Variants in GRIN1 observed in about 807,000 individuals in gnomAD.
GRIN1 encodes the protein glutamate receptor ionotropic, NMDA 1.
GRIN1 carries 38 observed loss-of-function variants against 103.0 expected under a neutral mutation model. The ratio of observed to expected loss-of-function variants is 0.37; its 90% confidence interval spans 0.28 to 0.48. The LOEUF is 0.48. Ranked by LOEUF, GRIN1 falls within the 20% of genes least tolerant of loss-of-function variation. The probability of loss-of-function intolerance (pLI) is 0.98; values close to 1 mark genes in which losing one functional copy is unlikely to be tolerated. For synonymous variants in GRIN1, 544 were observed against 532.7 expected (o/e 1.02, Z -0.29); for missense variants, 577 against 1,288.9 (o/e 0.45, Z 8.46).
At chr9:137,162,382 G>A (rs771715052) in intron 12 of GRIN1, 22 bp from the exon 13 acceptor site, 6 of 1,530,944 alleles carry the variant, frequency 3.9e-6, no homozygotes, top group South Asian at 1.1e-5. Flanking sequence ...CCTCTCTCCC[G>A]CCCGCCCTCT....
intron 2 of GRIN1, among the ~76,000 whole-genome samples, chr9:137,144,458 T>G (rs888121662): frequency 1.5e-4 from 22 of 151,470 alleles, no homozygotes; most frequent in Non-Finnish European, 2.4e-4. Context: ...ATCGAGACCA[T>G]CCTGGCTAAT....
At chr9:137,142,223 C>T in intron 2 of GRIN1, 76 bp downstream of exon 2, 4 of 1,471,150 alleles carry the variant, frequency 2.7e-6, no homozygotes, top group Non-Finnish European at 3.8e-6. Context: ...GAGCAGCGGG[C>T]CGACCCGCTC....
At chr9:137,157,941 G>A (rs193021655) in intron 6 of GRIN1, among the ~76,000 whole-genome samples, 31 of 152,348 alleles carry the variant, frequency 2.0e-4, no homozygotes, top group Admixed American at 8.5e-4. Flanking sequence ...GGCCCGATGG[G>A]TACAATGCAC....
rs1047793096 is a variant in GRIN1, at chr9:137,168,035, G to A, written c.*508G>A. 1.1e-5 allele frequency: 7 copies of A among 651,758 alleles called. No individual in the cohort carries two copies. The highest frequency in any genetic ancestry group is 1.9e-5 in the Non-Finnish European group (7 of 363,848). The allele number at this position is 651,758 out of a possible 1,614,324, so 40.4% of individuals were successfully genotyped here. ...CCAAGGTGCGGACCGGAGCGGCTGA[G>A]GACGGGGCAGAGCTGAGTCGGCTGG... On this transcript the variant is annotated 3_prime_UTR_variant, in exon 20 of 20. Transcript: ENST00000371561.
In GRIN1 at chr9:137,161,210, G is replaced by GGCAGGGC; in HGVS notation, c.1339+16_1339+22dup. 1.9e-6 allele frequency: 3 copies of GGCAGGGC among 1,605,856 alleles called. No individual in the cohort carries two copies. The highest frequency in any genetic ancestry group is 1.3e-5 in the African/African-American group (1 of 74,828). On this transcript the variant is annotated intron_variant, in intron 9 of 19. Coordinates refer to ENST00000371561, the MANE Select transcript of GRIN1 (RefSeq NM_007327.4). ...TCGCCGGGCAGCCGTGAGTGCGCGGGGCAGGGCGCGGGGCGCGGGGCAGGG... is the reference window on the plus strand; with the variant it reads ...TCGCCGGGCAGCCGTGAGTGCGCGGGGCAGGGCGCAGGGCGCGGGGCGCGGGGCAGGG...
chr9:137,142,212 G>T, intron 2 of GRIN1, 65 bp downstream of exon 2: 1 of 1,572,814 alleles, frequency 6.4e-7, no homozygotes, highest in Non-Finnish European at 8.7e-7. Flanking sequence ...GGCCACTCCA[G>T]GAGCAGCGGG....
Position 137,139,889 on chromosome 9 carries a change from G to A in GRIN1, c.258+145G>A, listed in dbSNP as rs551071260. The stretch of plus-strand genomic sequence containing the variant: ...CAGCTGGCTGCTTCCGGGAGGCCTC[G>A]TCTCACTAGGAACCAAACACCAGGG... On this transcript the variant is annotated intron_variant, in intron 1 of 19. Coordinates refer to ENST00000371561, the MANE Select transcript of GRIN1 (RefSeq NM_007327.4). This position sits in a 1 kb window ranked among gnomAD's most constrained non-coding sequence, Gnocchi z 7.7. The A allele has an allele frequency of 3.2e-5, 22 of 695,152 alleles. No homozygotes were observed. The highest frequency in any genetic ancestry group is 2.3e-4 in the South Asian group (14 of 59,904). The allele number at this position is 695,152 out of a possible 1,614,324, so 43.1% of individuals were successfully genotyped here. A position where few individuals can be genotyped will look rare whatever the true frequency, so the allele number is the denominator to read the frequency against.
chr9:137,166,297 C>A (rs922361477), intron 19 of GRIN1, among the ~76,000 whole-genome samples: 1 of 152,190 alleles, frequency 6.6e-6, no homozygotes, highest in Non-Finnish European at 1.5e-5. Context: ...CACACTCGGA[C>A]CAGAGGCCCC....
At chr9:137,166,089 C>T (rs1038289387) in intron 19 of GRIN1, among the ~76,000 whole-genome samples, 3 of 152,154 alleles carry the variant, frequency 2.0e-5, no homozygotes, top group African/African-American at 7.2e-5. Context: ...TAGGGGCGGC[C>T]CCACAAGCCC....
chr9:137,163,024 C>G, intron 15 of GRIN1, 21 bp downstream of exon 15: 1 of 1,558,690 alleles, frequency 6.4e-7, no homozygotes, highest in East Asian at 2.4e-5. Context: ...GGCGGCCACC[C>G]TGGCGGGGCG....
intron 18 of GRIN1, chr9:137,164,304 A>T: frequency 3.7e-6 from 1 of 271,128 alleles, no homozygotes; most frequent in Non-Finnish European, 7.3e-6. Flanking sequence ...CCCTTCGGAG[A>T]CCCCCCCCTT....
At chr9:137,157,109 C>G in intron 6 of GRIN1, 72 bp downstream of exon 6, 22 of 210,474 alleles carry the variant, frequency 1.0e-4, no homozygotes, top group Non-Finnish European at 1.2e-4. Flanking sequence ...CAGAGATGGG[C>G]GGGGCCGCTC....
At chr9:137,167,373 G>C (rs1833938489) in intron 19 of GRIN1, 38 bp from the exon 20 acceptor site, 3 of 1,499,566 alleles carry the variant, frequency 2.0e-6, no homozygotes, top group Non-Finnish European at 2.7e-6. Context: ...GGCGGCCGGC[G>C]GGGCCAGCGG....
Position 137,162,613 on chromosome 9 carries a change from G to C in GRIN1, c.1887G>C (p.Ala629=). 1.2e-6 allele frequency: 2 copies of C among 1,612,604 alleles called. No homozygotes were observed. The highest frequency in any genetic ancestry group is 2.7e-5 in the African/African-American group (2 of 75,048). The stretch of plus-strand genomic sequence containing the variant: ...CAGGCGCCCCCAGAAGCTTCTCAGC[G>C]CGCATCCTGGGCATGGTGTGGGCCG... ...IGEGAPRSFS[A]RILGMVWAGF... is the part of the protein sequence containing the mutation. The change falls in exon 14 of 20, where the codon GCG becomes GCC. Residue 629 remains alanine (A), a synonymous_variant. Transcript: ENST00000371561.
chr9:137,165,065 G>A, intron 18 of GRIN1, 121 bp from the exon 19 acceptor site: 1 of 791,408 alleles, frequency 1.3e-6, no homozygotes, highest in Non-Finnish European at 2.3e-6. Context: ...AGCACAGGGA[G>A]GCAGGCAGGA....
At position 137,139,539 on chromosome 9, in the gene GRIN1, C is replaced by T; in HGVS notation, c.53C>T (p.Ala18Val). 6.2e-7 allele frequency: 1 copy of T among 1,610,982 alleles called. No homozygotes were observed. The highest frequency in any genetic ancestry group is 2.2e-5 in the East Asian group (1 of 44,836). Reference sequence around the variant, plus strand: ...GCCCTGCTGTTCTCCTGCTCCGTCGCCCGTGCCGCGTGCGACCCCAAGATC... The same window carrying T: ...GCCCTGCTGTTCTCCTGCTCCGTCGTCCGTGCCGCGTGCGACCCCAAGATC... The part of the protein sequence containing the change: ...TLALLFSCSV[A>V]RAACDPKIVN... The change falls in exon 1 of 20, where the codon GCC (alanine) becomes GTC (valine). Residue 18 changes from alanine to valine, a missense_variant. Physicochemically the swap from Ala to Val is moderately conservative, Grantham distance 64. This residue lies in a region of GRIN1 where 308 missense variants were observed against 553.6 expected (regional missense o/e 0.56). Transcript: ENST00000371561. The surrounding 1 kb of genome is among the most constrained non-coding windows in gnomAD (Gnocchi z 7.7).
In GRIN1 at chr9:137,139,324, G is replaced by A; in HGVS notation, c.-163G>A. 2 of 298,582 alleles carry A rather than the reference G, an allele frequency of 6.7e-6. No individual in the cohort carries two copies. The highest frequency in any genetic ancestry group is 2.2e-5 in the African/African-American group (1 of 44,876). 18.5% of individuals were successfully genotyped at this position (298,582 alleles called of 1,614,324 possible). A position where few individuals can be genotyped will look rare whatever the true frequency, so the allele number is the denominator to read the frequency against. On this transcript the variant is annotated 5_prime_UTR_variant, in exon 1 of 20. Transcript: ENST00000371561. The surrounding 1 kb of genome is among the most constrained non-coding windows in gnomAD (Gnocchi z 7.7). ...CCCGAGCCCCCGCGCACGCTTCAGC[G>A]CCCCTTCCCTCGGCCGACGTCCCGG...
Position 137,162,108 on chromosome 9 carries a change from C to CGGGGGGGGGGGGGGG in GRIN1, c.1632+24_1632+25insGGGGGGGGGGGGGGG. On this transcript the variant is annotated intron_variant, in intron 11 of 19. Coordinates refer to ENST00000371561, the MANE Select transcript of GRIN1 (RefSeq NM_007327.4). ...AAGAAGGTGGGCAGGGGCCGGGTGGCGGGGTGGCGGCGGGGGGAGTCCCTG... is the reference window on the plus strand; with the variant it reads ...AAGAAGGTGGGCAGGGGCCGGGTGGCGGGGGGGGGGGGGGGGGGGTGGCGGCGGGGGGAGTCCCTG... 1 of 238,046 alleles carries CGGGGGGGGGGGGGGG rather than the reference C, an allele frequency of 4.2e-6. No individual in the cohort carries two copies. The highest frequency in any genetic ancestry group is 7.8e-6 in the Non-Finnish European group (1 of 128,922). The allele number at this position is 238,046 out of a possible 1,614,324, so 14.7% of individuals were successfully genotyped here.
intron 8 of GRIN1, among the ~76,000 whole-genome samples, 198 bp from the exon 9 acceptor site, chr9:137,160,858 G>T (rs1202562904): frequency 6.6e-6 from 1 of 152,206 alleles, no homozygotes; most frequent in East Asian, 1.9e-4. Context: ...GACGGTGGCT[G>T]GGGAGGACGT....
Sources: allele counts gnomAD v4.1 joint callset (sites outside exome capture counted in the v4.1 genomes callset), GRCh38; gene constraint gnomAD v4.1.1; regional missense constraint gnomAD v4.1.1; non-coding constraint Gnocchi (gnomAD v3.1); transcripts MANE v1.5; gene names NCBI Gene and HGNC (gene_info 2026-07-23, HGNC 2026-07-21).